SS18L1: variants seen among roughly 807,000 people sequenced by gnomAD.
The protein encoded by SS18L1 is calcium-responsive transactivator.
In SS18L1, 32 loss-of-function variants were observed where a neutral mutation model predicts 70.3. The ratio of observed to expected loss-of-function variants is 0.46; its 90% CI spans 0.34 to 0.61. The LOEUF (loss-of-function observed/expected upper bound fraction) is 0.61, where lower values mean the gene tolerates loss of function less well. SS18L1 is among the 20% of genes least tolerant of loss of function. The pLI, the probability that SS18L1 is intolerant of heterozygous loss-of-function variation, is 0.01. For synonymous variants in SS18L1, 237 were observed against 229.7 expected (o/e 1.03, Z -0.29); for missense variants, 430 against 542.1 (o/e 0.79, Z 2.05).
chr20:62,182,131 A>C lies in SS18L1; in HGVS notation c.*2923A>C. On this transcript the variant is annotated 3_prime_UTR_variant, in exon 11 of 11. Coordinates refer to ENST00000331758, the MANE Select transcript of SS18L1 (RefSeq NM_198935.3). ...TGGACAAGATCTCCTAAGATCTGTG[A>C]ATGGGATTAAGGTGGACAAGATCTC... The C allele has an allele frequency of 4.4e-6, 1 of 227,212 alleles. No individual in the cohort carries two copies. Among genetic ancestry groups the C allele is most frequent in the East Asian group, 6.3e-5 (1 of 15,802 alleles). The allele number at this position is 227,212 out of a possible 1,614,324, so 14.1% of individuals were successfully genotyped here.
intron 8 of SS18L1, among the ~76,000 whole-genome samples, chr20:62,167,063 T>TTTTTTTTTTTTTTTTAG: frequency 7.0e-6 from 1 of 141,884 alleles, no homozygotes; most frequent in South Asian, 2.4e-4. Flanking sequence ...TTTTTTTTTT[T>TTTTTTTTTTTTTTTTAG]GAGACGGAGT....
At chr20:62,167,160 C>T (rs545439282) in intron 8 of SS18L1, among the ~76,000 whole-genome samples, 34 of 148,400 alleles carry the variant, frequency 2.3e-4, no homozygotes, top group Non-Finnish European at 4.3e-4. Context: ...ATTCTCCTGC[C>T]TCAGCCTCTT....
chr20:62,169,101 G>T (rs567174465), intron 8 of SS18L1, among the ~76,000 whole-genome samples: 7 of 152,202 alleles, frequency 4.6e-5, no homozygotes, highest in African/African-American at 1.7e-4. Flanking sequence ...TCCCGCGTTC[G>T]CGTCACAGTG....
Position 62,179,228 on chromosome 20 carries a change from G to A in SS18L1, c.*20G>A. On this transcript the variant is annotated 3_prime_UTR_variant, in exon 11 of 11. Transcript: ENST00000331758. ...CAGTAAGGGACACACATTCTGGCTGGAGCCCTTGTGGTAGCGTGTTCATCC... is the reference window on the plus strand; with the variant it reads ...CAGTAAGGGACACACATTCTGGCTGAAGCCCTTGTGGTAGCGTGTTCATCC... 1 of 1,614,146 alleles carries A rather than the reference G, an allele frequency of 6.2e-7. No homozygotes were observed. The highest frequency in any genetic ancestry group is 8.5e-7 in the Non-Finnish European group (1 of 1,180,006).
At chr20:62,152,109 A>G (rs920009488) in intron 1 of SS18L1, among the ~76,000 whole-genome samples, 3 of 151,116 alleles carry the variant, frequency 2.0e-5, no homozygotes, top group Non-Finnish European at 4.4e-5. Flanking sequence ...CACCTTACCC[A>G]TGTGCTCCTG....
rs10673768 is a variant in SS18L1 at position 62,146,605 on chromosome 20, A to ATTTTTTTTT, written c.69+2729_69+2737dup. Among the ~76,000 whole-genome samples, 357 of 79,702 alleles carry ATTTTTTTTT rather than the reference A, an allele frequency of 4.5e-3. 36 individuals are homozygous for ATTTTTTTTT. Among genetic ancestry groups the ATTTTTTTTT allele is most frequent in the Non-Finnish European group, 5.0e-3 (226 of 45,216 alleles). 52.3% of individuals were successfully genotyped at this position (79,702 alleles called of 152,430 possible). A position where few individuals can be genotyped will look rare whatever the true frequency, so the allele number is the denominator to read the frequency against. ...CATCCAGCGTGTCTCTGCTTTGATC[A>ATTTTTTTTT]TTTTTTTTTTTTTTTTTTTTTGAGA... is the stretch of plus-strand genomic sequence containing the variant. On this transcript the variant is annotated intron_variant, in intron 1 of 10. Transcript: ENST00000331758.
At chr20:62,148,417 G>C (rs2057071162) in intron 1 of SS18L1, among the ~76,000 whole-genome samples, 1 of 149,150 alleles carries the variant, frequency 6.7e-6, no homozygotes, top group East Asian at 2.0e-4. Context: ...CCTCCTTGCT[G>C]TCTTAGGTCA....
In SS18L1 at chr20:62,166,281, C is replaced by T. The variant is rs6121521; in HGVS notation, c.916+767C>T. On this transcript the variant is annotated intron_variant, in intron 8 of 10. Coordinates refer to ENST00000331758, the MANE Select transcript of SS18L1 (RefSeq NM_198935.3). ...GTCCCTGGGGAGAGGGGCCTCGTGT[C>T]TGCTGACGCTGACCGGCAGGCAGCA... Among the ~76,000 whole-genome samples, 1,454 of 152,352 alleles carry T rather than the reference C, an allele frequency of 9.5e-3. 23 individuals are homozygous for T. Among genetic ancestry groups the T allele is most frequent in the African/African-American group, 0.033 (1,352 of 41,580 alleles).
chr20:62,152,481 C>T (rs531557253), intron 1 of SS18L1, among the ~76,000 whole-genome samples: 7 of 152,308 alleles, frequency 4.6e-5, no homozygotes, highest in Admixed American at 2.0e-4. Context: ...GTCTCTGGCG[C>T]GGGTTTACCC....
At chr20:62,162,228 A>C (rs182697736) in intron 4 of SS18L1, among the ~76,000 whole-genome samples, 71 of 152,334 alleles carry the variant, frequency 4.7e-4, no homozygotes, top group Non-Finnish European at 6.8e-4. Flanking sequence ...ACCCTGTCTC[A>C]GAAAATAATA....
intron 9 of SS18L1, 152 bp downstream of exon 9, chr20:62,172,953 C>T (rs533748072): frequency 2.3e-5 from 35 of 1,489,586 alleles, no homozygotes; most frequent in East Asian, 2.1e-4. Context: ...GGCCCCCCAG[C>T]GCCCACCCCT....
At chr20:62,156,397 C>T (rs545031053) in intron 1 of SS18L1, among the ~76,000 whole-genome samples, 100 of 152,304 alleles carry the variant, frequency 6.6e-4, no homozygotes, top group Middle Eastern at 3.4e-3. Context: ...CCACAGTGTC[C>T]CCTGGCGGCC....
intron 7 of SS18L1, 44 bp from the exon 8 acceptor site, chr20:62,165,378 A>AGT: frequency 6.3e-7 from 1 of 1,575,476 alleles, no homozygotes; most frequent in Non-Finnish European, 8.6e-7. Flanking sequence ...GGACCTGTGC[A>AGT]GTGCACAGCC....
At chr20:62,152,219 G>A (rs1204436968) in intron 1 of SS18L1, among the ~76,000 whole-genome samples, 3 of 152,128 alleles carry the variant, frequency 2.0e-5, no homozygotes, top group Non-Finnish European at 4.4e-5. Flanking sequence ...GTCTTCACCC[G>A]ACTGGCCACC....
chr20:62,155,042 A>G (rs996443122), intron 1 of SS18L1, among the ~76,000 whole-genome samples: 7 of 152,188 alleles, frequency 4.6e-5, no homozygotes, highest in Admixed American at 4.6e-4. Flanking sequence ...CTGGGGCTCC[A>G]GTAACCTGCA....
intron 8 of SS18L1, among the ~76,000 whole-genome samples, chr20:62,165,823 G>A (rs1013713768): frequency 6.6e-5 from 10 of 152,082 alleles, no homozygotes; most frequent in Admixed American, 3.9e-4. Flanking sequence ...GGATTCAGCC[G>A]GCCATGCTGG....
intron 1 of SS18L1, chr20:62,154,461 C>T (rs6089670): frequency 2.9e-6 from 3 of 1,030,174 alleles, no homozygotes; most frequent in Non-Finnish European, 3.5e-6. Context: ...CCGGAAACCT[C>T]CATGGTGAGT....
At chr20:62,165,636 C>T (rs1020597904) in intron 8 of SS18L1, 122 bp downstream of exon 8, 54 of 902,278 alleles carry the variant, frequency 6.0e-5, no homozygotes, top group Middle Eastern at 2.3e-4. Context: ...CACAGCACAG[C>T]GCGTGGGAGG....
intron 8 of SS18L1, among the ~76,000 whole-genome samples, chr20:62,171,191 C>T (rs1419491958): frequency 5.9e-5 from 9 of 151,904 alleles, no homozygotes; most frequent in African/African-American, 1.9e-4. Context: ...CGTGAGCCAC[C>T]GCACCCGGCC....
Sources: gnomAD v4.1 joint callset for allele counts (sites outside exome capture counted in the v4.1 genomes callset) on GRCh38, gnomAD v4.1.1 for gene constraint, MANE v1.5 for transcripts, NCBI Gene and HGNC (gene_info 2026-07-23, HGNC 2026-07-21) for gene names.